NKAIN3: variants seen among roughly 807,000 people sequenced by gnomAD.
NKAIN3 encodes the protein sodium/potassium transporting ATPase interacting 3, also known as sodium/potassium-transporting ATPase subunit beta-1-interacting protein 3.
NKAIN3 carries 25 observed loss-of-function variants against 30.2 expected under a neutral mutation model. That is an observed-to-expected ratio of 0.83 (90% CI 0.60 to 1.16). NKAIN3 has a LOEUF of 1.16. Ranked by LOEUF, NKAIN3 falls within the 50% of genes most tolerant of loss-of-function variation. NKAIN3 has a pLI of 0.00. For missense variants in NKAIN3, 225 were observed against 254.1 expected, an observed-to-expected ratio of 0.89 and a Z score of 0.78; for synonymous variants, 91 against 89.6, an observed-to-expected ratio of 1.02 and a Z score of -0.09.
chr8:62,766,803 C>A (rs1370011634), intron 4 of NKAIN3, among the ~76,000 whole-genome samples: 2 of 152,136 alleles, frequency 1.3e-5, no homozygotes, highest in Non-Finnish European at 2.9e-5. Context: ...CAAATCCCAT[C>A]CCTATTTTGT....
intron 1 of NKAIN3, among the ~76,000 whole-genome samples, chr8:62,365,638 C>T (rs990554503): frequency 1.3e-5 from 2 of 152,082 alleles, no homozygotes; most frequent in Admixed American, 1.3e-4. Context: ...CTAAGCTTAT[C>T]GGTGTGAAAT....
In NKAIN3 at chr8:62,249,467, A is replaced by C. The variant is rs919656512; in HGVS notation, c.54+340A>C. Among the ~76,000 whole-genome samples the C allele has an allele frequency of 3.9e-5, 6 of 152,150 alleles. No individual in the cohort carries two copies. In the East Asian group the frequency reaches 1.2e-3, roughly 29 times the overall value. On this transcript the variant is annotated intron_variant, in intron 1 of 6. Coordinates refer to ENST00000623646, the MANE Select transcript of NKAIN3 (RefSeq NM_001304533.3). ...CCCTTGATCCGATACCTGGTTTAGC[A>C]CCCTCCGCGTTCGTGCTGAAGTTAC...
chr8:62,797,906 A>T (rs1051487235), intron 4 of NKAIN3, among the ~76,000 whole-genome samples: 21 of 152,338 alleles, frequency 1.4e-4, no homozygotes, highest in African/African-American at 3.1e-4. Context: ...TGCCATGTGA[A>T]GAATGGAGTT....
intron 4 of NKAIN3, among the ~76,000 whole-genome samples, chr8:62,862,444 G>C (rs1391471515): frequency 6.6e-6 from 1 of 151,858 alleles, no homozygotes; most frequent in Non-Finnish European, 1.5e-5. Flanking sequence ...TAAAGAAACT[G>C]GTTTCTTGAA....
At chr8:62,407,027 A>G (rs1804092702) in intron 1 of NKAIN3, among the ~76,000 whole-genome samples, 1 of 152,190 alleles carries the variant, frequency 6.6e-6, no homozygotes. Flanking sequence ...AACAATATAG[A>G]CATTTGAATG....
intron 1 of NKAIN3, among the ~76,000 whole-genome samples, chr8:62,476,278 A>T (rs1019136430): frequency 2.6e-5 from 4 of 152,234 alleles, no homozygotes; most frequent in Non-Finnish European, 5.9e-5. Flanking sequence ...CACATTGTTC[A>T]TCTTATTCAG....
At position 62,489,394 on chromosome 8, in the gene NKAIN3, A is replaced by G. The variant is rs867518964; in HGVS notation, c.55-90145A>G. On this transcript the variant is annotated intron_variant, in intron 1 of 6. Transcript: ENST00000623646. ...TATTCTCAATTTTTAAAAATTGTCT[A>G]TAGCCTTACATTATAGACATGTGCT... Among the ~76,000 whole-genome samples the G allele has an allele frequency of 1.2e-4, 18 of 152,170 alleles. No individual in the cohort carries two copies. The South Asian group carries it at 2.5e-3, about 21-fold the overall frequency.
chr8:62,821,140 T>C (rs530668478), intron 4 of NKAIN3, among the ~76,000 whole-genome samples: 17 of 152,112 alleles, frequency 1.1e-4, no homozygotes, highest in African/African-American at 2.9e-4. Flanking sequence ...CCTGGTATCA[T>C]GTCTTTCCCT....
At chr8:62,571,252 C>T (rs1366313968) in intron 1 of NKAIN3, among the ~76,000 whole-genome samples, 1 of 151,894 alleles carries the variant, frequency 6.6e-6, no homozygotes, top group East Asian at 1.9e-4. Context: ...TCTCCTGCCT[C>T]AGCCTCCCAA....
intron 1 of NKAIN3, among the ~76,000 whole-genome samples, chr8:62,342,235 C>CAAAAAAAAAAAAAAAAAA (rs3058285): frequency 8.0e-6 from 1 of 124,782 alleles, no homozygotes; most frequent in African/African-American, 3.2e-5. Context: ...ACCACTGAAC[C>CAAAAAAAAAAAAAAAAAA]AAAAAAAAAA....
At chr8:62,863,730 T>C (rs1387624312) in intron 4 of NKAIN3, 1 of 1,585,364 alleles carries the variant, frequency 6.3e-7, no homozygotes, top group Non-Finnish European at 8.7e-7. Flanking sequence ...ACAACTTTCA[T>C]TGCAACAAAT....
chr8:62,269,895 G>A (rs553026901), intron 1 of NKAIN3, among the ~76,000 whole-genome samples: 2 of 152,016 alleles, frequency 1.3e-5, no homozygotes, highest in African/African-American at 4.8e-5. Context: ...AAAACATGGG[G>A]TATAATAAGT....
intron 1 of NKAIN3, among the ~76,000 whole-genome samples, chr8:62,365,872 G>A (rs1816721686): frequency 6.6e-6 from 1 of 151,980 alleles, no homozygotes. Flanking sequence ...TTGCTTATTT[G>A]CTTTATGTAT....
intron 1 of NKAIN3, among the ~76,000 whole-genome samples, chr8:62,345,536 CAT>C (rs1351561189): frequency 1.4e-4 from 18 of 130,222 alleles, no homozygotes; most frequent in East Asian, 2.2e-4. Context: ...TATATACACA[CAT>C]ATATACACAT....
chr8:62,330,093 A>G (rs963891725), intron 1 of NKAIN3, among the ~76,000 whole-genome samples: 1 of 152,074 alleles, frequency 6.6e-6, no homozygotes, highest in Non-Finnish European at 1.5e-5. Context: ...ACGAGGAAGT[A>G]GCAAGAGAAA....
chr8:62,410,910 C>G (rs964889166), intron 1 of NKAIN3, among the ~76,000 whole-genome samples: 6 of 151,990 alleles, frequency 3.9e-5, no homozygotes, highest in Non-Finnish European at 8.8e-5. Context: ...AAACTGCCAA[C>G]CAAAAAGAGG....
Position 62,856,361 on chromosome 8 carries a change from C to T in NKAIN3, c.472-62092C>T, listed in dbSNP as rs79695714. 7.9e-5 allele frequency: 68 copies of T among 862,258 alleles called. 1 individual carries two copies. In the East Asian group the frequency reaches 1.2e-3, roughly 15 times the overall value. The allele number at this position is 862,258 out of a possible 1,614,324, so 53.4% of individuals were successfully genotyped here. On this transcript the variant is annotated intron_variant, in intron 4 of 6. Coordinates refer to ENST00000623646, the MANE Select transcript of NKAIN3 (RefSeq NM_001304533.3). ...TGCTTAGTGCTTGCTTCCTGGTCTC[C>T]TTGGAGTGAACCTTCTAGTTTGCTG...
chr8:62,595,448 C>T (rs1269855678), intron 3 of NKAIN3, among the ~76,000 whole-genome samples: 6 of 136,032 alleles, frequency 4.4e-5, no homozygotes, highest in African/African-American at 1.3e-4. Flanking sequence ...AACAGAGCTC[C>T]CATACAAAGG....
intron 6 of NKAIN3, among the ~76,000 whole-genome samples, chr8:62,959,358 CT>C (rs763552494): frequency 4.6e-5 from 7 of 151,792 alleles, no homozygotes; most frequent in Non-Finnish European, 5.9e-5. Flanking sequence ...ATTAGTACCC[CT>C]ATATGTAAGT....
Sources: gnomAD v4.1 joint callset for allele counts (sites outside exome capture counted in the v4.1 genomes callset) on GRCh38, gnomAD v4.1.1 for gene constraint, MANE v1.5 for transcripts, NCBI Gene and HGNC (gene_info 2026-07-23, HGNC 2026-07-21) for gene names.